BRSK2: variants seen among roughly 807,000 people sequenced by gnomAD.
BRSK2 encodes the protein BR serine/threonine kinase 2, also known as serine/threonine-protein kinase BRSK2.
BRSK2 carries 19 observed loss-of-function variants against 83.3 expected under a neutral mutation model. The ratio of observed to expected loss-of-function variants is 0.23; its 90% CI spans 0.16 to 0.33. The LOEUF (loss-of-function observed/expected upper bound fraction) is 0.33, where lower values mean the gene tolerates loss of function less well. Ranked by LOEUF, BRSK2 falls within the 10% of genes least tolerant of loss-of-function variation. BRSK2 has a pLI of 1.00. For synonymous variants in BRSK2, 519 were observed against 435.4 expected (o/e 1.19, Z -2.39); for missense variants, 798 against 1,042.3 (o/e 0.77, Z 3.23).
Position 1,390,662 on chromosome 11 carries a change from G to A in BRSK2, c.91+287G>A, listed in dbSNP as rs1000754525. 6.7e-6 allele frequency among the ~76,000 whole-genome samples: 1 copy of A among 148,738 alleles called. No individual in the cohort carries two copies. The highest frequency in any genetic ancestry group is 6.7e-5 in the Admixed American group (1 of 14,974). ...CACGGGACGGCGCCCCTCGGGCCCC[G>A]CTGCAGGTGCGCGGCCCGGGCCGCA... On this transcript the variant is annotated intron_variant, in intron 1 of 19. Coordinates refer to ENST00000528841, the MANE Select transcript of BRSK2 (RefSeq NM_001256627.2). This position sits in a 1 kb window ranked among gnomAD's most constrained non-coding sequence, Gnocchi z 6.8.
At chr11:1,456,246 A>T in intron 16 of BRSK2, 102 bp from the exon 17 acceptor site, 1 of 1,242,182 alleles carries the variant, frequency 8.1e-7, no homozygotes. Context: ...GGGTGCTCAC[A>T]ATGTGTGCAC....
At chr11:1,460,240 G>A (rs985175278) in intron 19 of BRSK2, among the ~76,000 whole-genome samples, 11 of 152,078 alleles carry the variant, frequency 7.2e-5, no homozygotes, top group South Asian at 2.1e-4. Context: ...CTGGCCCCAC[G>A]GCGCACAGCT....
chr11:1,400,943 T>C (rs1846435285), intron 1 of BRSK2, among the ~76,000 whole-genome samples: 1 of 152,238 alleles, frequency 6.6e-6, no homozygotes, highest in Admixed American at 6.5e-5. Flanking sequence ...GTGACCCTCC[T>C]TCCTTCCATC....
chr11:1,452,180 G>C lies in BRSK2; in HGVS notation c.1544+761G>C, dbSNP rs1845888317. On this transcript the variant is annotated intron_variant, in intron 15 of 19. Transcript: ENST00000528841. ...GCCAGCTGTGGACTGAGTAAGACGA[G>C]AACCTTCGTCCTGCTGCTGGCTTTA... Among the ~76,000 whole-genome samples the C allele has an allele frequency of 2.6e-5, 4 of 152,310 alleles. No individual in the cohort carries two copies. The South Asian group carries it at 8.3e-4, about 32-fold the overall frequency.
chr11:1,452,365 T>C (rs1190119479), intron 15 of BRSK2, among the ~76,000 whole-genome samples: 2 of 152,212 alleles, frequency 1.3e-5, no homozygotes, highest in Non-Finnish European at 2.9e-5. Context: ...CAAGCCCAGA[T>C]GCACAGGGCT....
In BRSK2 at chr11:1,438,418, G is replaced by A; in HGVS notation, c.272+27G>A. On this transcript the variant is annotated intron_variant, in intron 3 of 19. Transcript: ENST00000528841. This position sits in a 1 kb window ranked among gnomAD's most constrained non-coding sequence, Gnocchi z 6.4. ...TAGGTATTGCTGGGTCTGAAGAGCTGGGGTGGCGGAGGTGGCAGCTGTCGC... is the reference window on the plus strand; with the variant it reads ...TAGGTATTGCTGGGTCTGAAGAGCTAGGGTGGCGGAGGTGGCAGCTGTCGC... 6.2e-7 allele frequency: 1 copy of A among 1,607,850 alleles called. No individual in the cohort carries two copies. Among genetic ancestry groups the A allele is most frequent in the Non-Finnish European group, 8.5e-7 (1 of 1,174,752 alleles).
intron 1 of BRSK2, among the ~76,000 whole-genome samples, chr11:1,397,526 C>G (rs928473481): frequency 1.3e-5 from 2 of 152,350 alleles, no homozygotes; most frequent in Non-Finnish European, 2.9e-5. Context: ...CCTTCAGTCC[C>G]GGGGCCCACG....
At position 1,423,292 on chromosome 11, in the gene BRSK2, C is replaced by T. The variant is rs1353761075; in HGVS notation, c.92-12748C>T. On this transcript the variant is annotated intron_variant, in intron 1 of 19. Transcript: ENST00000528841. This position sits in a 1 kb window ranked among gnomAD's most constrained non-coding sequence, Gnocchi z 6.5. ...CCAGGGACCCTCCCCACTGTCCTGT[C>T]CTTAGCGTCTTGAGGCTAGGGGTGA... is the stretch of plus-strand genomic sequence containing the variant. Among the ~76,000 whole-genome samples the T allele has an allele frequency of 6.6e-6, 1 of 152,168 alleles. No individual in the cohort carries two copies. Among genetic ancestry groups the T allele is most frequent in the Non-Finnish European group, 1.5e-5 (1 of 68,038 alleles).
chr11:1,411,648 C>G (rs560042906), intron 1 of BRSK2: 1 of 1,535,912 alleles, frequency 6.5e-7, no homozygotes, highest in East Asian at 2.4e-5. Context: ...GTGCCACGCT[C>G]CCTGGCTGGC....
rs1846236390 is a variant in BRSK2 at position 1,454,538 on chromosome 11, A to G, written c.1598A>G (p.Gln533Arg). Residue 533 changes from glutamine to arginine, a missense_variant, in exon 16 of 20, where the codon CAG (glutamine) becomes CGG (arginine). Physicochemically the swap from Gln to Arg is conservative, Grantham distance 43. Around this residue, in one of 6 missense-constraint regions of BRSK2, gnomAD observed 455 missense variants for 455.2 expected, o/e 1.00. Transcript: ENST00000528841. The surrounding 1 kb of genome is among the most constrained non-coding windows in gnomAD (Gnocchi z 5.2). Reference protein sequence around the residue: ...GNFISLEKEEQIFVVIKDKPL... With the variant: ...GNFISLEKEERIFVVIKDKPL... ...TTCATCAGCCTGGAGAAGGAGGAGCAGATCTTCGTGGTCATCAAAGACAAA... is the reference window on the plus strand; with the variant it reads ...TTCATCAGCCTGGAGAAGGAGGAGCGGATCTTCGTGGTCATCAAAGACAAA... 1 of 1,613,198 alleles carries G rather than the reference A, an allele frequency of 6.2e-7. No individual in the cohort carries two copies. Among genetic ancestry groups the G allele is most frequent in the Non-Finnish European group, 8.5e-7 (1 of 1,179,962 alleles).
intron 1 of BRSK2, among the ~76,000 whole-genome samples, chr11:1,426,362 G>A (rs1306312139): frequency 6.6e-6 from 1 of 152,178 alleles, no homozygotes; most frequent in Non-Finnish European, 1.5e-5. Flanking sequence ...TTGGATCTGT[G>A]GGGTGTAAAT....
chr11:1,412,740 A>T (rs1847662839), intron 1 of BRSK2, among the ~76,000 whole-genome samples: 1 of 150,122 alleles, frequency 6.7e-6, no homozygotes, highest in Non-Finnish European at 1.5e-5. Flanking sequence ...CCCAGAGGGG[A>T]TCCTCCTGCC....
At chr11:1,449,866 G>T (rs375403010) in intron 13 of BRSK2, 30 bp downstream of exon 13, 4 of 1,536,420 alleles carry the variant, frequency 2.6e-6, no homozygotes, top group Non-Finnish European at 3.6e-6. Context: ...CACCCAGCTC[G>T]GATGCACAGA....
In BRSK2 at chr11:1,459,177, CAT is replaced by C; in HGVS notation, c.1940-14_1940-13del. ...TCACTCACTCCCTCCCTCCTCTCTC[CAT>C]TCTGTACTCCAGACACCACTAACTG... On this transcript the variant is annotated splice_polypyrimidine_tract_variant and intron_variant, in intron 18 of 19. Transcript: ENST00000528841. 3 of 1,613,532 alleles carry C rather than the reference CAT, an allele frequency of 1.9e-6. No homozygotes were observed. The highest frequency in any genetic ancestry group is 2.5e-6 in the Non-Finnish European group (3 of 1,179,582).
chr11:1,450,858 G>C (rs1469734387), intron 14 of BRSK2, 64 bp downstream of exon 14: 1 of 1,451,348 alleles, frequency 6.9e-7, no homozygotes, highest in Non-Finnish European at 9.2e-7. Context: ...CTTGGGGAGG[G>C]CCCCGCCCGG....
Position 1,390,499 on chromosome 11 carries a change from CA to C in BRSK2, c.91+126del, listed in dbSNP as rs1469525579. ...GCCCGGCCCGGGCCCCGGCCGCGAA[CA>C]ATGGGCGGCCCGTGCGCCCCCGTCC... On this transcript the variant is annotated intron_variant, in intron 1 of 19. Transcript: ENST00000528841. This position sits in a 1 kb window ranked among gnomAD's most constrained non-coding sequence, Gnocchi z 6.8. 2.2e-5 allele frequency: 8 copies of C among 365,564 alleles called. No homozygotes were observed. Among genetic ancestry groups the C allele is most frequent in the Non-Finnish European group, 2.6e-5 (7 of 265,816 alleles). 22.6% of individuals were successfully genotyped at this position (365,564 alleles called of 1,614,324 possible). A position where few individuals can be genotyped will look rare whatever the true frequency, so the allele number is the denominator to read the frequency against.
chr11:1,402,770 G>A (rs569547261), intron 1 of BRSK2, among the ~76,000 whole-genome samples: 2 of 152,336 alleles, frequency 1.3e-5, no homozygotes, highest in African/African-American at 4.8e-5. Flanking sequence ...AAGGCAGAGG[G>A]AGTGGAGTGG....
intron 14 of BRSK2, 68 bp downstream of exon 14, chr11:1,450,862 C>A: frequency 7.0e-7 from 1 of 1,438,274 alleles, no homozygotes; most frequent in Non-Finnish European, 9.3e-7. Flanking sequence ...GGGAGGGCCC[C>A]GCCCGGCAGT....
intron 1 of BRSK2, among the ~76,000 whole-genome samples, chr11:1,398,819 G>A (rs1201361734): frequency 2.0e-5 from 3 of 152,160 alleles, no homozygotes; most frequent in African/African-American, 7.2e-5. Context: ...CTGTGATGGG[G>A]CCTGGGTGTA....
Sources: allele counts gnomAD v4.1 joint callset (sites outside exome capture counted in the v4.1 genomes callset), GRCh38; gene constraint gnomAD v4.1.1; regional missense constraint gnomAD v4.1.1; non-coding constraint Gnocchi (gnomAD v3.1); transcripts MANE v1.5; gene names NCBI Gene and HGNC (gene_info 2026-07-23, HGNC 2026-07-21).